The following PCDHA8 variants were observed in gnomAD, a reference collection of about 807,000 sequenced individuals.
PCDHA8 encodes the protein protocadherin alpha 8.
A neutral mutation model predicts 61.8 loss-of-function variants in PCDHA8; 53 were observed. The observed-to-expected ratio is 0.86, with a 90% CI of 0.69 to 1.08. The LOEUF is 1.08. Among genes scored for constraint, PCDHA8 ranks in the 50% least tolerant of loss-of-function variants. The pLI is 0.00. For missense variants in PCDHA8, 1,293 were observed against 1,245.0 expected (o/e 1.04, Z -0.58); for synonymous variants, 618 against 556.6 (o/e 1.11, Z -1.55).
At chr5:140,909,288 A>G (rs1441603045) in intron 1 of PCDHA8, among the ~76,000 whole-genome samples, 2 of 152,234 alleles carry the variant, frequency 1.3e-5, no homozygotes, top group Non-Finnish European at 2.9e-5. Context: ...GGTGGGCCTT[A>G]TGGACAGGAA....
At chr5:140,852,693 C>G in intron 1 of PCDHA8, 2 of 973,482 alleles carry the variant, frequency 2.1e-6, no homozygotes, top group Non-Finnish European at 2.5e-6. Flanking sequence ...TAGTCTTATA[C>G]TTTCAAGTAT....
chr5:140,924,902 A>AAT (rs2082141904), intron 1 of PCDHA8, among the ~76,000 whole-genome samples: 1 of 39,026 alleles, frequency 2.6e-5, no homozygotes, highest in African/African-American at 7.6e-5. Flanking sequence ...CTCAAAAAAA[A>AAT]AAATAAAATA....
chr5:140,875,349 C>T lies in PCDHA8; in HGVS notation c.2394+31634C>T, dbSNP rs113418307. The T allele has an allele frequency of 9.7e-4, 1,402 of 1,444,894 alleles. 9 individuals carry two copies. In the African/African-American group the frequency reaches 0.018, roughly 18 times the overall value. 89.5% of individuals were successfully genotyped at this position (1,444,894 alleles called of 1,614,324 possible). A position where few individuals can be genotyped will look rare whatever the true frequency, so the allele number is the denominator to read the frequency against. ...CGGAATAGGATCGACTCCATAATGA[C>T]TGTGATGCTGGAAAAAATTTACTAA... On this transcript the variant is annotated intron_variant, in intron 1 of 3. Coordinates refer to ENST00000531613, the MANE Select transcript of PCDHA8 (RefSeq NM_018911.3).
chr5:140,885,965 A>C (rs2060792569), intron 1 of PCDHA8, among the ~76,000 whole-genome samples: 1 of 152,070 alleles, frequency 6.6e-6, no homozygotes, highest in African/African-American at 2.4e-5. Context: ...TTTTATTTTG[A>C]GATAATTATA....
intron 3 of PCDHA8, among the ~76,000 whole-genome samples, chr5:140,991,358 A>G (rs1417256360): frequency 6.6e-6 from 1 of 152,234 alleles, no homozygotes; most frequent in African/African-American, 2.4e-5. Context: ...AAGACTATTT[A>G]CTGTCTGAGT....
chr5:140,995,233 G>A (rs1359304274), intron 3 of PCDHA8, among the ~76,000 whole-genome samples: 1 of 152,128 alleles, frequency 6.6e-6, no homozygotes, highest in Non-Finnish European at 1.5e-5. Flanking sequence ...TTTGGGGCCA[G>A]TATTAAGTAA....
intron 1 of PCDHA8, among the ~76,000 whole-genome samples, chr5:140,911,856 T>C (rs1252396387): frequency 6.6e-6 from 1 of 152,184 alleles, no homozygotes; most frequent in Non-Finnish European, 1.5e-5. Context: ...TCCTTAATAG[T>C]CTGTTCTTCT....
In PCDHA8 at chr5:140,843,519, G is replaced by C. The variant is rs1392443820; in HGVS notation, c.2198G>C (p.Arg733Pro). ...GCACTGCCCACTGAGGGCGGGTGCC[G>C]GGCGGGCAAGCCCACTCTGGTGTGC... ...CSALPTEGGCRAGKPTLVCSS... is the reference protein window; with the variant it reads ...CSALPTEGGCPAGKPTLVCSS... Residue 733 changes from arginine (R) to proline (P), a missense_variant, in exon 1 of 4, where the codon CGG becomes CCG. By Grantham distance (103) the Arg-to-Pro change is moderately radical. Transcript: ENST00000531613. 1.9e-6 allele frequency: 3 copies of C among 1,595,904 alleles called. No homozygotes were observed. Among genetic ancestry groups the C allele is most frequent in the Non-Finnish European group, 2.6e-6 (3 of 1,165,540 alleles).
intron 1 of PCDHA8, among the ~76,000 whole-genome samples, chr5:140,975,953 T>A (rs1554237158): frequency 6.6e-6 from 1 of 152,084 alleles, no homozygotes; most frequent in Non-Finnish European, 1.5e-5. Context: ...CATATTAGAG[T>A]TCTTCACCAA....
intron 1 of PCDHA8, among the ~76,000 whole-genome samples, chr5:140,895,617 G>T (rs782388218): frequency 6.6e-6 from 1 of 152,084 alleles, no homozygotes; most frequent in Non-Finnish European, 1.5e-5. Context: ...CTCATTGAGG[G>T]TGTTGTCTTT....
At chr5:140,866,702 C>T (rs251370) in intron 1 of PCDHA8, 67,860 of 151,870 alleles carry the variant, frequency 0.45, 15,551 homozygotes, top group South Asian at 0.58. Flanking sequence ...CAGTGGATGA[C>T]GTGCACTAGT....
chr5:140,968,597 G>T, intron 1 of PCDHA8: 1 of 1,614,176 alleles, frequency 6.2e-7, no homozygotes, highest in Non-Finnish European at 8.5e-7. Context: ...CATAGCTATG[G>T]ACTCAGACTC....
chr5:140,968,994 G>T (rs1182509201), intron 1 of PCDHA8: 2 of 1,614,098 alleles, frequency 1.2e-6, no homozygotes, highest in Non-Finnish European at 1.7e-6. Context: ...GCATGCTGTG[G>T]AGGCTTCTGT....
At chr5:140,928,115 T>A (rs2084949063) in intron 1 of PCDHA8, 1 of 1,614,164 alleles carries the variant, frequency 6.2e-7, no homozygotes, top group East Asian at 2.2e-5. Flanking sequence ...CGGGAGCAGA[T>A]CAGTGAATAC....
intron 1 of PCDHA8, chr5:140,871,489 G>T: frequency 1.3e-6 from 2 of 1,590,138 alleles, no homozygotes; most frequent in Non-Finnish European, 1.7e-6. Flanking sequence ...AAATCACCCC[G>T]GACAGGTGAG....
intron 1 of PCDHA8, among the ~76,000 whole-genome samples, chr5:140,895,416 C>A (rs2065002617): frequency 6.6e-6 from 1 of 152,168 alleles, no homozygotes; most frequent in South Asian, 2.1e-4. Context: ...CCATAACCTT[C>A]TTTTGCTTCC....
intron 1 of PCDHA8, among the ~76,000 whole-genome samples, chr5:140,845,188 T>C (rs1416130402): frequency 1.3e-5 from 2 of 149,344 alleles, no homozygotes; most frequent in African/African-American, 4.9e-5. Flanking sequence ...CTTTAAAAAA[T>C]ATGATTGTTT....
chr5:140,854,244 A>C lies in PCDHA8; in HGVS notation c.2394+10529A>C, dbSNP rs782085298. 42 of 645,742 alleles carry C rather than the reference A, an allele frequency of 6.5e-5. 1 individual carries two copies. The highest frequency in any genetic ancestry group is 7.7e-5 in the Non-Finnish European group (40 of 520,302). 40.0% of individuals were successfully genotyped at this position (645,742 alleles called of 1,614,324 possible). A position where few individuals can be genotyped will look rare whatever the true frequency, so the allele number is the denominator to read the frequency against. ...TCTACATTGGGATATTTATGTTATCACTTGGTATAAAATGTACATTAGTAG... is the reference window on the plus strand; with the variant it reads ...TCTACATTGGGATATTTATGTTATCCCTTGGTATAAAATGTACATTAGTAG... On this transcript the variant is annotated intron_variant, in intron 1 of 3. Coordinates refer to ENST00000531613, the MANE Select transcript of PCDHA8 (RefSeq NM_018911.3).
chr5:140,960,402 G>C (rs2095546836), intron 1 of PCDHA8, among the ~76,000 whole-genome samples: 1 of 152,026 alleles, frequency 6.6e-6, no homozygotes, highest in African/African-American at 2.4e-5. Flanking sequence ...GCAAGGGGGG[G>C]TGCCCAAAAA....
Sources: allele counts gnomAD v4.1 joint callset (sites outside exome capture counted in the v4.1 genomes callset), GRCh38; gene constraint gnomAD v4.1.1; transcripts MANE v1.5; gene names NCBI Gene and HGNC (gene_info 2026-07-23, HGNC 2026-07-21).